GDAP1: variants seen among roughly 807,000 people sequenced by gnomAD.
GDAP1 encodes the protein ganglioside-induced differentiation-associated protein 1.
GDAP1 carries 34 observed loss-of-function variants against 40.1 expected under a neutral mutation model. The ratio of observed to expected loss-of-function variants is 0.85; its 90% confidence interval spans 0.64 to 1.13. GDAP1 has a LOEUF of 1.13. Among genes scored for constraint, GDAP1 ranks in the 50% most tolerant of loss-of-function variants. GDAP1 has a pLI of 0.00. For synonymous variants in GDAP1, 170 were observed against 157.4 expected (o/e 1.08, Z -0.60); for missense variants, 374 against 433.7 (o/e 0.86, Z 1.22).
chr8:74,478,125 G>T (rs1445617690), intron 2 of GDAP1, among the ~76,000 whole-genome samples: 3 of 151,766 alleles, frequency 2.0e-5, no homozygotes. Flanking sequence ...TGGTGGGGGT[G>T]GGGAGCAGCT....
intron 2 of GDAP1, among the ~76,000 whole-genome samples, chr8:74,486,006 C>G (rs1247640480): frequency 6.6e-6 from 1 of 152,142 alleles, no homozygotes; most frequent in Non-Finnish European, 1.5e-5. Context: ...CAGCAATTCT[C>G]TCTTTATTTA....
intron 2 of GDAP1, among the ~76,000 whole-genome samples, chr8:74,469,038 G>A (rs1806510231): frequency 1.3e-5 from 2 of 152,030 alleles, no homozygotes; most frequent in Non-Finnish European, 2.9e-5. Context: ...TTTCTCCTCA[G>A]ATATATGCAT....
downstream of GDAP1, chr8:74,367,009 T>C (rs890802232): frequency 3.7e-5 from 10 of 271,342 alleles, no homozygotes; most frequent in Non-Finnish European, 5.8e-5. Flanking sequence ...GGATGCCATA[T>C]TTTCGTTATA....
rs112887102 is a variant in GDAP1, at chr8:74,388,372, C to T, written c.165+37051C>T. 2.3e-3 allele frequency among the ~76,000 whole-genome samples: 348 copies of T among 151,734 alleles called. 1 individual carries two copies. The highest frequency in any genetic ancestry group is 7.5e-3 in the African/African-American group (312 of 41,438). Reference sequence around the variant, plus strand: ...TAGCTGTGTCCCAGAAATTCTGGTACGCTGTGTTTTTGTTCTCAGTGGTTT... The same window carrying T: ...TAGCTGTGTCCCAGAAATTCTGGTATGCTGTGTTTTTGTTCTCAGTGGTTT... On this transcript the variant is annotated intron_variant, in intron 2 of 2. Coordinates refer to the GDAP1 transcript ENST00000523640.
chr8:74,486,800 A>C (rs777988040), intron 2 of GDAP1, among the ~76,000 whole-genome samples: 2 of 152,128 alleles, frequency 1.3e-5, no homozygotes, highest in Non-Finnish European at 2.9e-5. Context: ...TTCTCCTATG[A>C]CTTAAATCAA....
chr8:74,415,007 G>A (rs1563462862), intron 2 of GDAP1, among the ~76,000 whole-genome samples: 1 of 149,968 alleles, frequency 6.7e-6, no homozygotes, highest in Non-Finnish European at 1.5e-5. Context: ...CACCAGGGAG[G>A]GCAGAAAGGA....
chr8:74,400,134 A>G (rs1054341910), intron 2 of GDAP1, among the ~76,000 whole-genome samples: 1 of 149,300 alleles, frequency 6.7e-6, no homozygotes, highest in Non-Finnish European at 1.5e-5. Flanking sequence ...TGATCTGTCT[A>G]ATGTTGACCG....
chr8:74,368,964 C>T (rs1809704660), downstream of GDAP1, among the ~76,000 whole-genome samples: 1 of 152,116 alleles, frequency 6.6e-6, no homozygotes, highest in African/African-American at 2.4e-5. Flanking sequence ...AAGACCACTG[C>T]TCTGCACCCA....
At chr8:74,414,009 G>A (rs1337543942) in intron 2 of GDAP1, among the ~76,000 whole-genome samples, 1 of 150,012 alleles carries the variant, frequency 6.7e-6, no homozygotes, top group African/African-American at 2.5e-5. Flanking sequence ...TCAAACTATC[G>A]GCTAGATTAC....
chr8:74,394,066 A>T lies in GDAP1; in HGVS notation c.165+42745A>T, dbSNP rs201655782. ...ACCCGAGACTGGACAATTTACAAAAAAAAGAGGTTTAATGGACTTAAAGTT... is the reference window on the plus strand; with the variant it reads ...ACCCGAGACTGGACAATTTACAAAATAAAGAGGTTTAATGGACTTAAAGTT... On this transcript the variant is annotated intron_variant, in intron 2 of 2. Coordinates refer to the GDAP1 transcript ENST00000523640. 5.2e-3 allele frequency among the ~76,000 whole-genome samples: 796 copies of T among 152,298 alleles called. 6 individuals are homozygous for T. Among genetic ancestry groups the T allele is most frequent in the African/African-American group, 0.018 (765 of 41,568 alleles).
chr8:74,457,676 C>T (rs1359290702), intron 2 of GDAP1, among the ~76,000 whole-genome samples: 3 of 152,024 alleles, frequency 2.0e-5, no homozygotes, highest in African/African-American at 7.2e-5. Flanking sequence ...AAACGAAGAA[C>T]ATTTAAAGAA....
chr8:74,475,203 A>C (rs1563479605), intron 2 of GDAP1, among the ~76,000 whole-genome samples: 1 of 150,174 alleles, frequency 6.7e-6, no homozygotes, highest in African/African-American at 2.5e-5. Flanking sequence ...CAGTCTATCT[A>C]TCTTATTATT....
intron 2 of GDAP1, among the ~76,000 whole-genome samples, chr8:74,401,836 C>T (rs1035705266): frequency 1.3e-5 from 2 of 150,030 alleles, no homozygotes; most frequent in African/African-American, 5.1e-5. Context: ...CCCTGTTTGC[C>T]TGGGTATCAG....
chr8:74,463,263 G>A (rs1351128644), intron 2 of GDAP1, among the ~76,000 whole-genome samples: 2 of 141,720 alleles, frequency 1.4e-5, no homozygotes, highest in Non-Finnish European at 3.0e-5. Context: ...ACCAGCCTTA[G>A]GAACATAGGG....
At chr8:74,464,563 G>T (rs182876971) in intron 2 of GDAP1, among the ~76,000 whole-genome samples, 24 of 152,294 alleles carry the variant, frequency 1.6e-4, no homozygotes, top group Middle Eastern at 3.4e-3. Context: ...AAAACATATG[G>T]TTGTCCCTGC....
intron 2 of GDAP1, among the ~76,000 whole-genome samples, chr8:74,413,185 G>A (rs1437868171): frequency 1.4e-5 from 2 of 148,086 alleles, no homozygotes; most frequent in Non-Finnish European, 3.0e-5. Context: ...AGGATAAGAT[G>A]AAGTAAGCAT....
rs115319722 is a variant in GDAP1, at chr8:74,391,192, C to T, written c.165+39871C>T. ...CCGCTTTACAGGGTAGTGAACGGTT[C>T]GGTCTCGCTGGCATTCCAGGCGCTA... is the stretch of plus-strand genomic sequence containing the variant. On this transcript the variant is annotated intron_variant, in intron 2 of 2. Coordinates refer to the GDAP1 transcript ENST00000523640. Among the ~76,000 whole-genome samples the T allele has an allele frequency of 5.7e-3, 850 of 148,194 alleles. 9 individuals carry two copies. The highest frequency in any genetic ancestry group is 0.019 in the African/African-American group (786 of 40,334).
intron 2 of GDAP1, among the ~76,000 whole-genome samples, chr8:74,373,913 T>C (rs2131532737): frequency 6.6e-6 from 1 of 152,296 alleles, no homozygotes; most frequent in Non-Finnish European, 1.5e-5. Flanking sequence ...TGGCTCTTAT[T>C]ATTTTGAGAT....
At chr8:74,350,663 C>A in intron 1 of GDAP1, 85 bp downstream of exon 1, 1 of 923,468 alleles carries the variant, frequency 1.1e-6, no homozygotes, top group South Asian at 1.3e-5. Context: ...CCAGGGAAGC[C>A]GGTCCACCTA....
Sources: allele counts gnomAD v4.1 joint callset (sites outside exome capture counted in the v4.1 genomes callset), GRCh38; gene constraint gnomAD v4.1.1; transcripts MANE v1.5; gene names NCBI Gene and HGNC (gene_info 2026-07-23, HGNC 2026-07-21).